Variants in ASXL2 observed in about 807,000 individuals in gnomAD.
ASXL2 encodes the protein putative Polycomb group protein ASXL2.
A neutral mutation model predicts 122.0 loss-of-function variants in ASXL2; 23 were observed. That is an observed-to-expected ratio of 0.19 (90% CI 0.14 to 0.27). ASXL2 has a LOEUF of 0.27. Ranked by LOEUF, ASXL2 falls within the 10% of genes least tolerant of loss-of-function variation. The pLI is 1.00. For missense variants in ASXL2, 1,518 were observed against 1,713.8 expected (o/e 0.89, Z 2.02); for synonymous variants, 650 against 637.0 (o/e 1.02, Z -0.31).
intron 1 of ASXL2, chr2:25,856,361 T>G: frequency 2.1e-6 from 1 of 485,068 alleles, no homozygotes; most frequent in Non-Finnish European, 3.7e-6. Flanking sequence ...ACCTGGCCTA[T>G]ACTTTTTTTT....
At chr2:25,844,613 A>AAC (rs1269931649) in intron 2 of ASXL2, among the ~76,000 whole-genome samples, 167 of 151,698 alleles carry the variant, frequency 1.1e-3, no homozygotes, top group African/African-American at 3.9e-3. Context: ...AACAAAAAAA[A>AAC]ACACACACAC....
intron 1 of ASXL2, among the ~76,000 whole-genome samples, chr2:25,870,005 G>C (rs1482906070): frequency 6.6e-6 from 1 of 152,042 alleles, no homozygotes; most frequent in Non-Finnish European, 1.5e-5. Context: ...GGGAGGCTGA[G>C]GTGGACGATA....
intron 1 of ASXL2, among the ~76,000 whole-genome samples, chr2:25,848,819 G>A (rs1486501923): frequency 6.6e-6 from 1 of 151,578 alleles, no homozygotes; most frequent in Non-Finnish European, 1.5e-5. Context: ...GCCAAGGCAT[G>A]CAGATCACCA....
At chr2:25,801,902 G>A (rs184960829) in intron 4 of ASXL2, among the ~76,000 whole-genome samples, 1 of 152,188 alleles carries the variant, frequency 6.6e-6, no homozygotes, top group East Asian at 1.9e-4. Context: ...CTTTTCTCCT[G>A]AAAAACCTGT....
intron 4 of ASXL2, 41 bp downstream of exon 4, chr2:25,806,188 C>T (rs988936482): frequency 6.2e-6 from 8 of 1,293,960 alleles, no homozygotes; most frequent in Non-Finnish European, 8.8e-6. Flanking sequence ...TGGTCACTTC[C>T]TGTTTTTTCT....
At chr2:25,755,392 C>T (rs551349039) in intron 10 of ASXL2, among the ~76,000 whole-genome samples, 1 of 152,322 alleles carries the variant, frequency 6.6e-6, no homozygotes, top group Admixed American at 6.5e-5. Flanking sequence ...GCAGTGCCCA[C>T]ACACAATCAG....
intron 3 of ASXL2, among the ~76,000 whole-genome samples, chr2:25,818,771 T>C (rs1311135955): frequency 6.6e-6 from 1 of 152,084 alleles, no homozygotes; most frequent in Non-Finnish European, 1.5e-5. Flanking sequence ...GATAGGAAGT[T>C]TCAGGTAAGA....
At chr2:25,843,334 T>C (rs1458765860) in intron 2 of ASXL2, among the ~76,000 whole-genome samples, 1 of 150,298 alleles carries the variant, frequency 6.7e-6, no homozygotes, top group Non-Finnish European at 1.5e-5. Context: ...AGACGGGGTT[T>C]TACCATGTTG....
intron 1 of ASXL2, among the ~76,000 whole-genome samples, chr2:25,864,195 A>T (rs2149201256): frequency 6.6e-6 from 1 of 152,222 alleles, no homozygotes; most frequent in South Asian, 2.1e-4. Flanking sequence ...AGAGAACTGA[A>T]CAGAGGCAAG....
chr2:25,821,306 A>C (rs571633266), intron 3 of ASXL2, among the ~76,000 whole-genome samples: 68 of 152,052 alleles, frequency 4.5e-4, no homozygotes, highest in African/African-American at 1.5e-3. Context: ...GCAGTGAGCT[A>C]TGACTGTACC....
chr2:25,853,220 A>G (rs1028252819), intron 1 of ASXL2, among the ~76,000 whole-genome samples: 2 of 152,202 alleles, frequency 1.3e-5, no homozygotes, highest in South Asian at 4.1e-4. Flanking sequence ...GGTTTCCCTC[A>G]GCTACCAAAC....
At chr2:25,786,592 G>A (rs890963170) in intron 5 of ASXL2, among the ~76,000 whole-genome samples, 16 of 152,142 alleles carry the variant, frequency 1.1e-4, no homozygotes, top group African/African-American at 3.6e-4. Flanking sequence ...GGTGGCTCAC[G>A]CCTGTAATCC....
chr2:25,780,618 T>G (rs918394009), intron 5 of ASXL2, among the ~76,000 whole-genome samples: 6 of 152,218 alleles, frequency 3.9e-5, no homozygotes, highest in African/African-American at 1.4e-4. Context: ...TAGGTGATTC[T>G]GACGCAAGCT....
chr2:25,846,543 G>A (rs149919851), intron 1 of ASXL2, among the ~76,000 whole-genome samples: 8 of 152,286 alleles, frequency 5.3e-5, no homozygotes, highest in Admixed American at 1.3e-4. Flanking sequence ...AGCTACTCAG[G>A]AGGCTGAGGC....
At chr2:25,855,192 C>T (rs958642774) in intron 1 of ASXL2, among the ~76,000 whole-genome samples, 1 of 152,172 alleles carries the variant, frequency 6.6e-6, no homozygotes, top group African/African-American at 2.4e-5. Flanking sequence ...TTGAATCAGA[C>T]AGGCACATAC....
At chr2:25,861,607 A>G (rs2089843656) in intron 1 of ASXL2, among the ~76,000 whole-genome samples, 1 of 152,240 alleles carries the variant, frequency 6.6e-6, no homozygotes, top group Admixed American at 6.5e-5. Context: ...AATGTCCCCA[A>G]TTACAGTGAT....
Position 25,749,909 on chromosome 2 carries a change from A to G in ASXL2, c.1647T>C (p.Thr549=). ...KPTAGAGPQE[T]NMKEPLATLV... ...GAGTTGCTAGAGGTTCTTTCATATT[A>G]GTCTCCTGTGGACCCGCTCCTGCTG... Residue 549 remains threonine (T), a synonymous_variant, in exon 12 of 13, where the codon ACT becomes ACC. Coordinates refer to ENST00000435504, the MANE Select transcript of ASXL2 (RefSeq NM_018263.6). The G allele has an allele frequency of 6.2e-7, 1 of 1,612,982 alleles. No individual in the cohort carries two copies. Among genetic ancestry groups the G allele is most frequent in the South Asian group, 1.1e-5 (1 of 90,942 alleles).
At chr2:25,805,736 C>T (rs1190746343) in intron 4 of ASXL2, among the ~76,000 whole-genome samples, 2 of 151,924 alleles carry the variant, frequency 1.3e-5, no homozygotes, top group South Asian at 2.1e-4. Context: ...AGTGCGGTGG[C>T]GTGATTTTGG....
chr2:25,841,612 C>T (rs932234043), intron 2 of ASXL2, among the ~76,000 whole-genome samples: 3 of 151,860 alleles, frequency 2.0e-5, no homozygotes, highest in Non-Finnish European at 4.4e-5. Context: ...TTTGGGAGGC[C>T]GAGGAGGGCA....
Sources: allele counts gnomAD v4.1 joint callset (sites outside exome capture counted in the v4.1 genomes callset), GRCh38; gene constraint gnomAD v4.1.1; transcripts MANE v1.5; gene names NCBI Gene and HGNC (gene_info 2026-07-23, HGNC 2026-07-21).